Variants in RORA observed in about 807,000 individuals in gnomAD.
RORA encodes the protein RAR related orphan receptor A, also known as nuclear receptor ROR-alpha.
In RORA, 7 loss-of-function variants were observed where a neutral mutation model predicts 69.5. The ratio of observed to expected loss-of-function variants is 0.10; its 90% CI spans 0.06 to 0.19. RORA has a LOEUF of 0.19. Ranked by LOEUF, RORA falls within the 10% of genes least tolerant of loss-of-function variation. The pLI is 1.00. For synonymous variants in RORA, 261 were observed against 240.8 expected (o/e 1.08, Z -0.78); for missense variants, 457 against 663.0 (o/e 0.69, Z 3.41).
chr15:61,228,050 C>T lies in RORA; in HGVS notation c.166+1003G>A, dbSNP rs975571402. 1.5e-4 allele frequency among the ~76,000 whole-genome samples: 22 copies of T among 149,914 alleles called. 1 individual carries two copies. In the South Asian group the frequency reaches 4.3e-3, roughly 29 times the overall value. ...CCCCCCCAACACACGCAGACACAGA[C>T]CAAACACCAAAATGAAGAGTAAAAA... On this transcript the variant is annotated intron_variant, in intron 1 of 10. Coordinates refer to ENST00000335670, the MANE Select transcript of RORA (RefSeq NM_134261.3).
intron 1 of RORA, among the ~76,000 whole-genome samples, chr15:61,065,955 A>C (rs1331222650): frequency 6.6e-6 from 1 of 152,208 alleles, no homozygotes; most frequent in Non-Finnish European, 1.5e-5. Context: ...GTTGGTTGCA[A>C]CTTGGGTGAA....
At chr15:61,009,699 T>C (rs1895029478) in intron 1 of RORA, among the ~76,000 whole-genome samples, 1 of 152,228 alleles carries the variant, frequency 6.6e-6, no homozygotes, top group Admixed American at 6.5e-5. Context: ...TTACTTAAAC[T>C]GATTTCTGTA....
chr15:60,985,824 C>T (rs1373732674), intron 1 of RORA, among the ~76,000 whole-genome samples: 1 of 152,086 alleles, frequency 6.6e-6, no homozygotes, highest in Non-Finnish European at 1.5e-5. Context: ...ACCTCATCCG[C>T]CCGCTTTGGC....
At chr15:61,021,052 G>A (rs1390531436) in intron 1 of RORA, among the ~76,000 whole-genome samples, 2 of 152,220 alleles carry the variant, frequency 1.3e-5, no homozygotes, top group African/African-American at 2.4e-5. Flanking sequence ...CCGGGCCACA[G>A]TTGGTAACTC....
At chr15:60,656,990 A>G (rs1354707632) in intron 2 of RORA, among the ~76,000 whole-genome samples, 1 of 152,200 alleles carries the variant, frequency 6.6e-6, no homozygotes, top group Non-Finnish European at 1.5e-5. Context: ...GAAGAATAGA[A>G]AGACCACTGA....
chr15:60,747,307 G>C (rs529871748), intron 1 of RORA, among the ~76,000 whole-genome samples: 1 of 152,288 alleles, frequency 6.6e-6, no homozygotes, highest in African/African-American at 2.4e-5. Flanking sequence ...CATGTTCAAT[G>C]CTTCTTATCC....
At chr15:60,977,838 G>T (rs8032874) in intron 1 of RORA, among the ~76,000 whole-genome samples, 1 of 151,986 alleles carries the variant, frequency 6.6e-6, no homozygotes. Flanking sequence ...GGAGATACCA[G>T]ATTTTGCATG....
intron 1 of RORA, among the ~76,000 whole-genome samples, chr15:61,025,235 C>A (rs1318791565): frequency 6.6e-6 from 1 of 152,208 alleles, no homozygotes; most frequent in East Asian, 1.9e-4. Flanking sequence ...GACTTAATTT[C>A]TCCACAGGCT....
intron 1 of RORA, among the ~76,000 whole-genome samples, chr15:61,189,350 C>T (rs1052618813): frequency 1.2e-4 from 18 of 152,204 alleles, no homozygotes; most frequent in African/African-American, 4.1e-4. Flanking sequence ...TGTATCCACG[C>T]ACTCTATTTG....
intron 1 of RORA, among the ~76,000 whole-genome samples, chr15:61,144,518 G>A (rs1035152806): frequency 4.6e-5 from 7 of 152,188 alleles, no homozygotes; most frequent in African/African-American, 1.7e-4. Flanking sequence ...GTTAGTAGGA[G>A]GCAGTCCATA....
At chr15:60,923,284 C>G (rs958735437) in intron 1 of RORA, among the ~76,000 whole-genome samples, 1 of 152,184 alleles carries the variant, frequency 6.6e-6, no homozygotes, top group Non-Finnish European at 1.5e-5. Flanking sequence ...ATTAAACAAC[C>G]AGCTAATGCT....
intron 1 of RORA, among the ~76,000 whole-genome samples, chr15:60,710,314 C>A (rs1418748764): frequency 6.6e-6 from 1 of 152,048 alleles, no homozygotes; most frequent in African/African-American, 2.4e-5. Flanking sequence ...CATGGAGAAA[C>A]CCCATCTCTA....
intron 1 of RORA, among the ~76,000 whole-genome samples, chr15:61,177,383 C>G (rs1347673): frequency 0.95 from 145,244 of 152,298 alleles, 69,268 homozygotes; most frequent in East Asian, 1. Flanking sequence ...TTTGTAATTT[C>G]AGTGGTCTGC....
At position 61,011,203 on chromosome 15, in the gene RORA, C is replaced by T. The variant is rs552543397; in HGVS notation, c.166+217850G>A. Among the ~76,000 whole-genome samples, 28 of 152,246 alleles carry T rather than the reference C, an allele frequency of 1.8e-4. 1 individual carries two copies. The Middle Eastern group carries it at 0.01, about 55-fold the overall frequency. On this transcript the variant is annotated intron_variant, in intron 1 of 10. Transcript: ENST00000335670. ...TCCTCTCTCCATTTTGTATTTCTTT[C>T]CTTTTCCTCCACCATCTGCATCTTC... is the stretch of plus-strand genomic sequence containing the variant.
At chr15:60,833,841 A>C (rs2073080520) in intron 1 of RORA, among the ~76,000 whole-genome samples, 2 of 152,224 alleles carry the variant, frequency 1.3e-5, no homozygotes, top group African/African-American at 2.4e-5. Flanking sequence ...CTGGGTTCCA[A>C]GACTTGCCTC....
chr15:60,669,710 A>G (rs1181157215), intron 2 of RORA, among the ~76,000 whole-genome samples: 1 of 152,190 alleles, frequency 6.6e-6, no homozygotes, highest in African/African-American at 2.4e-5. Flanking sequence ...AGCTCAGCTC[A>G]CCACACATGT....
chr15:60,984,368 G>A (rs1191192473), intron 1 of RORA, among the ~76,000 whole-genome samples: 2 of 151,640 alleles, frequency 1.3e-5, no homozygotes, highest in African/African-American at 2.4e-5. Flanking sequence ...CGTGACAATA[G>A]TAATAGCAAT....
At chr15:60,576,731 G>T (rs1424780091) in intron 2 of RORA, among the ~76,000 whole-genome samples, 2 of 152,208 alleles carry the variant, frequency 1.3e-5, no homozygotes, top group Non-Finnish European at 2.9e-5. Context: ...GGAGTGAATG[G>T]TGTATGTGTT....
intron 1 of RORA, among the ~76,000 whole-genome samples, chr15:60,712,316 T>G (rs2071155648): frequency 6.6e-6 from 1 of 152,180 alleles, no homozygotes; most frequent in Non-Finnish European, 1.5e-5. Context: ...GTGTGTTTTG[T>G]TGAATATAGA....
Sources: allele counts gnomAD v4.1 joint callset (sites outside exome capture counted in the v4.1 genomes callset), GRCh38; gene constraint gnomAD v4.1.1; transcripts MANE v1.5; gene names NCBI Gene and HGNC (gene_info 2026-07-23, HGNC 2026-07-21).